The following RPA3 variants were observed in gnomAD, a reference collection of about 807,000 sequenced individuals.
RPA3 encodes the protein replication protein A 14 kDa subunit.
Under a neutral mutation model 13.7 loss-of-function variants are expected in RPA3, and 24 were observed. That is an observed-to-expected ratio of 1.75 (90% CI 1.27 to 2.46). RPA3 has a LOEUF of 2.46. Ranked by LOEUF, RPA3 falls within the 30% of genes most tolerant of loss-of-function variation. The pLI, the probability that RPA3 is intolerant of heterozygous loss-of-function variation, is 0.00. For synonymous variants in RPA3, 59 were observed against 51.2 expected (o/e 1.15, Z -0.65); for missense variants, 183 against 151.0 (o/e 1.21, Z -1.11).
intron 7 of RPA3, 133 bp downstream of exon 7, chr7:7,637,730 GT>G (rs962214605): frequency 2.1e-6 from 1 of 482,352 alleles, no homozygotes; most frequent in African/African-American, 1.9e-5. Flanking sequence ...ATTACATACA[GT>G]TATATAAAAC....
At chr7:7,715,434 A>G (rs1780877346) in intron 1 of RPA3, among the ~76,000 whole-genome samples, 1 of 152,182 alleles carries the variant, frequency 6.6e-6, no homozygotes, top group African/African-American at 2.4e-5. Flanking sequence ...GTTCCCTGAT[A>G]AGTAACTTAG....
intron 4 of RPA3, among the ~76,000 whole-genome samples, chr7:7,681,608 G>C (rs1779914525): frequency 6.6e-6 from 1 of 152,124 alleles, no homozygotes; most frequent in Non-Finnish European, 1.5e-5. Flanking sequence ...ATTCAGTAAT[G>C]AAGTTGAAGT....
intron 4 of RPA3, among the ~76,000 whole-genome samples, chr7:7,666,232 A>G (rs1779452541): frequency 6.6e-6 from 1 of 151,912 alleles, no homozygotes; most frequent in African/African-American, 2.4e-5. Context: ...ATAGGGTCTC[A>G]TAGCCCTGTC....
At chr7:7,704,974 A>G (rs956742601) in intron 2 of RPA3, among the ~76,000 whole-genome samples, 2 of 152,168 alleles carry the variant, frequency 1.3e-5, no homozygotes, top group Non-Finnish European at 1.5e-5. Flanking sequence ...TAAACTCAGC[A>G]TGCCTTTACA....
chr7:7,672,130 T>G (rs1779621758), intron 4 of RPA3, among the ~76,000 whole-genome samples: 1 of 152,192 alleles, frequency 6.6e-6, no homozygotes, highest in Admixed American at 6.5e-5. Context: ...CTTCTTGGTT[T>G]TCTGCTATGG....
chr7:7,694,523 C>T (rs1780260404), intron 2 of RPA3, among the ~76,000 whole-genome samples: 1 of 151,976 alleles, frequency 6.6e-6, no homozygotes, highest in African/African-American at 2.4e-5. Flanking sequence ...CTCCATTCCC[C>T]ACCCCACCCC....
intron 3 of RPA3, among the ~76,000 whole-genome samples, chr7:7,686,807 A>T (rs774590562): frequency 6.6e-6 from 1 of 152,190 alleles, no homozygotes; most frequent in African/African-American, 2.4e-5. Flanking sequence ...TTTCTGGCCA[A>T]TGGGATATAA....
chr7:7,664,968 G>T (rs1779400452), intron 4 of RPA3, among the ~76,000 whole-genome samples: 1 of 151,798 alleles, frequency 6.6e-6, no homozygotes, highest in Non-Finnish European at 1.5e-5. Flanking sequence ...CATATTTATT[G>T]TATTTGGAAT....
intron 4 of RPA3, among the ~76,000 whole-genome samples, chr7:7,669,766 G>A (rs1218652389): frequency 2.6e-5 from 4 of 152,178 alleles, no homozygotes; most frequent in Non-Finnish European, 4.4e-5. Flanking sequence ...GGTGACTGAT[G>A]CCTTTGTAAT....
At chr7:7,663,137 C>G (rs796405980) in intron 4 of RPA3, among the ~76,000 whole-genome samples, 6 of 150,440 alleles carry the variant, frequency 4.0e-5, no homozygotes, top group African/African-American at 1.5e-4. Context: ...TTTTTGCCTT[C>G]TTTCCCTCTT....
intron 4 of RPA3, among the ~76,000 whole-genome samples, chr7:7,653,166 A>G (rs1424750122): frequency 6.6e-6 from 1 of 152,236 alleles, no homozygotes; most frequent in Non-Finnish European, 1.5e-5. Context: ...TTCAAAATGC[A>G]ACACCAAATG....
chr7:7,713,856 G>A (rs1375917596), intron 2 of RPA3, among the ~76,000 whole-genome samples: 1 of 151,910 alleles, frequency 6.6e-6, no homozygotes, highest in Non-Finnish European at 1.5e-5. Context: ...CTAGAGGCAG[G>A]GTCTCACTCT....
In RPA3 at chr7:7,706,414, A is replaced by C. The variant is rs768395493; in HGVS notation, c.-1028+8761T>G. On this transcript the variant is annotated intron_variant, in intron 2 of 7. Transcript: ENST00000223129. Reference sequence around the variant, plus strand: ...GAAGTTCAGGAAATACCAACAGAGCATGGGAACTGTACTAGGTTCAGTGAT... The same window carrying C: ...GAAGTTCAGGAAATACCAACAGAGCCTGGGAACTGTACTAGGTTCAGTGAT... Among the ~76,000 whole-genome samples, 5 of 152,306 alleles carry C rather than the reference A, an allele frequency of 3.3e-5. No homozygotes were observed. The East Asian group carries it at 9.6e-4, about 29-fold the overall frequency.
chr7:7,683,079 G>A (rs1779952518), intron 4 of RPA3, among the ~76,000 whole-genome samples: 1 of 152,192 alleles, frequency 6.6e-6, no homozygotes, highest in South Asian at 2.1e-4. Flanking sequence ...GCAATTGCAT[G>A]AAGGAAGAGG....
intron 3 of RPA3, among the ~76,000 whole-genome samples, chr7:7,686,774 T>G (rs1448710534): frequency 6.6e-6 from 1 of 152,198 alleles, no homozygotes; most frequent in Non-Finnish European, 1.5e-5. Context: ...GTTTTCCAGT[T>G]AGGTGTGAAG....
chr7:7,691,251 T>C (rs1780165997), intron 2 of RPA3, among the ~76,000 whole-genome samples: 1 of 152,142 alleles, frequency 6.6e-6, no homozygotes, highest in South Asian at 2.1e-4. Context: ...AAAATGTATG[T>C]ATGAGGAAAA....
At chr7:7,641,682 T>C (rs2115540925) in intron 4 of RPA3, 1 of 152,222 alleles carries the variant, frequency 6.6e-6, no homozygotes, top group African/African-American at 2.4e-5. Flanking sequence ...CTAGAATGAG[T>C]GCACATAAAA....
chr7:7,688,146 G>A (rs1166773341), intron 2 of RPA3, among the ~76,000 whole-genome samples: 1 of 152,104 alleles, frequency 6.6e-6, no homozygotes, highest in African/African-American at 2.4e-5. Context: ...ATTTTTGGGG[G>A]GAGAACATTC....
intron 2 of RPA3, among the ~76,000 whole-genome samples, chr7:7,702,873 T>C (rs759229477): frequency 1.3e-5 from 2 of 152,194 alleles, no homozygotes; most frequent in Non-Finnish European, 1.5e-5. Flanking sequence ...TGATGAACAG[T>C]TATTGCTTCA....
Sources: gnomAD v4.1 joint callset for allele counts (sites outside exome capture counted in the v4.1 genomes callset) on GRCh38, gnomAD v4.1.1 for gene constraint, MANE v1.5 for transcripts, NCBI Gene and HGNC (gene_info 2026-07-23, HGNC 2026-07-21) for gene names.